The following GDA variants were observed in gnomAD, a reference collection of about 807,000 sequenced individuals.
The protein encoded by GDA is guanine deaminase.
In GDA, 18 loss-of-function variants were observed where a neutral mutation model predicts 59.6. The observed-to-expected ratio is 0.30, with a 90% CI of 0.21 to 0.45. GDA has a LOEUF of 0.45. Ranked by LOEUF, GDA falls within the 20% of genes least tolerant of loss-of-function variation. The probability of loss-of-function intolerance (pLI) is 1.00; values close to 1 mark genes in which losing one functional copy is unlikely to be tolerated. For missense variants in GDA, 427 were observed against 552.3 expected, an observed-to-expected ratio of 0.77 and a Z score of 2.27; for synonymous variants, 201 against 201.1, an observed-to-expected ratio of 1.00 and a Z score of 0.00.
intron 1 of GDA, among the ~76,000 whole-genome samples, chr9:72,178,618 A>T: frequency 6.6e-6 from 1 of 151,946 alleles, no homozygotes; most frequent in East Asian, 1.9e-4. Context: ...GGGTTTCACC[A>T]TGTTGGTCAG....
rs77866871 is a variant in GDA at position 72,125,897 on chromosome 9, G to A, written c.-100+11064G>A. ...TTTTCTATGATTTTGGAAGGTAAACGACAGGTTCAGGAAATTTGTTTGTTT... is the reference window on the plus strand; with the variant it reads ...TTTTCTATGATTTTGGAAGGTAAACAACAGGTTCAGGAAATTTGTTTGTTT... On this transcript the variant is annotated intron_variant, in intron 1 of 13. Transcript: ENST00000545168. 1.6e-3 allele frequency among the ~76,000 whole-genome samples: 244 copies of A among 152,096 alleles called. 2 individuals are homozygous for A. The highest frequency in any genetic ancestry group is 5.6e-3 in the African/African-American group (233 of 41,480).
chr9:72,128,457 A>G (rs1409763368), intron 1 of GDA, among the ~76,000 whole-genome samples: 2 of 152,202 alleles, frequency 1.3e-5, no homozygotes, highest in African/African-American at 2.4e-5. Flanking sequence ...TAAAATAACT[A>G]CTATCATTTT....
chr9:72,254,095 G>GTGTTT (rs1282917137), downstream of GDA, among the ~76,000 whole-genome samples: 1 of 152,162 alleles, frequency 6.6e-6, no homozygotes. Context: ...ATGGCAGCAG[G>GTGTTT]TGTTTTGTTT....
chr9:72,193,161 T>A (rs1246437952), intron 1 of GDA, among the ~76,000 whole-genome samples: 1 of 152,172 alleles, frequency 6.6e-6, no homozygotes, highest in Non-Finnish European at 1.5e-5. Context: ...TTAGGTCATT[T>A]TTTTTTTCCT....
chr9:72,177,241 G>C (rs1403133645), intron 1 of GDA, among the ~76,000 whole-genome samples: 1 of 151,724 alleles, frequency 6.6e-6, no homozygotes, highest in Non-Finnish European at 1.5e-5. Context: ...TGGGATTACA[G>C]GCACATACCA....
intron 1 of GDA, among the ~76,000 whole-genome samples, chr9:72,144,319 G>T (rs950760517): frequency 2.0e-5 from 3 of 152,122 alleles, no homozygotes; most frequent in Non-Finnish European, 2.9e-5. Flanking sequence ...AGCATCAATT[G>T]TTAAGTGCCT....
chr9:72,153,304 G>A (rs1371728188), intron 1 of GDA, among the ~76,000 whole-genome samples: 3 of 152,122 alleles, frequency 2.0e-5, no homozygotes, highest in African/African-American at 7.2e-5. Flanking sequence ...GAACTTTAAA[G>A]TAGTTTTTTC....
intron 9 of GDA, chr9:72,228,306 T>C (rs901728783): frequency 1.3e-5 from 5 of 376,882 alleles, no homozygotes; most frequent in Admixed American, 1.3e-4. Flanking sequence ...GAATACAACA[T>C]AAAAAATTTA....
At chr9:72,154,648 CTT>C (rs956779382) in intron 1 of GDA, among the ~76,000 whole-genome samples, 2 of 152,190 alleles carry the variant, frequency 1.3e-5, no homozygotes, top group Non-Finnish European at 2.9e-5. Flanking sequence ...TTTAGTATCT[CTT>C]TTAGACTTGA....
chr9:72,126,942 A>AG (rs1825869242), intron 1 of GDA, among the ~76,000 whole-genome samples: 1 of 152,058 alleles, frequency 6.6e-6, no homozygotes, highest in Non-Finnish European at 1.5e-5. Context: ...ATCTGGTGCC[A>AG]TCCTTGAGCA....
intron 10 of GDA, among the ~76,000 whole-genome samples, chr9:72,234,710 G>A (rs911491559): frequency 6.6e-6 from 1 of 152,090 alleles, no homozygotes; most frequent in Non-Finnish European, 1.5e-5. Flanking sequence ...CCTGTTTTAC[G>A]CTAAATCGTA....
In GDA at chr9:72,198,861, A is replaced by ATATAT. The variant is rs1491123372; in HGVS notation, c.212+3273_212+3274insTATAT. ...TATATAGGGGGATATATATATATATAAAATTTTTTTTGCTCAGGTTATGAT... is the reference window on the plus strand; with the variant it reads ...TATATAGGGGGATATATATATATATATATATAAATTTTTTTTGCTCAGGTTATGAT... On this transcript the variant is annotated intron_variant, in intron 2 of 13. Transcript: ENST00000358399. 2.5e-3 allele frequency among the ~76,000 whole-genome samples: 372 copies of ATATAT among 147,906 alleles called. 11 individuals carry two copies. Among genetic ancestry groups the ATATAT allele is most frequent in the African/African-American group, 9.2e-3 (351 of 38,298 alleles).
intron 3 of GDA, among the ~76,000 whole-genome samples, chr9:72,207,076 T>C (rs964696053): frequency 4.6e-5 from 7 of 152,158 alleles, no homozygotes; most frequent in African/African-American, 1.7e-4. Context: ...GCCTTTGAGA[T>C]TTTTTTCTTC....
At chr9:72,221,931 G>T (rs1587705756) in intron 6 of GDA, among the ~76,000 whole-genome samples, 1 of 152,160 alleles carries the variant, frequency 6.6e-6, no homozygotes, top group Non-Finnish European at 1.5e-5. Context: ...TGGTGTATAT[G>T]TACCACATTT....
intron 2 of GDA, among the ~76,000 whole-genome samples, chr9:72,201,073 T>C (rs751501299): frequency 6.6e-6 from 1 of 152,192 alleles, no homozygotes; most frequent in African/African-American, 2.4e-5. Context: ...ATCCATAACA[T>C]TTATTGATGC....
At chr9:72,176,182 C>T (rs1270304962) in intron 1 of GDA, among the ~76,000 whole-genome samples, 1 of 152,174 alleles carries the variant, frequency 6.6e-6, no homozygotes, top group African/African-American at 2.4e-5. Context: ...CACATGACTG[C>T]AAGCTAGTGT....
chr9:72,150,598 A>G (rs531214910), intron 1 of GDA, among the ~76,000 whole-genome samples: 7 of 152,326 alleles, frequency 4.6e-5, no homozygotes, highest in African/African-American at 1.7e-4. Flanking sequence ...ATAAATATGG[A>G]GATGGGATTT....
downstream of GDA, among the ~76,000 whole-genome samples, chr9:72,254,377 G>T (rs577906214): frequency 1.3e-5 from 2 of 152,020 alleles, no homozygotes; most frequent in East Asian, 3.9e-4. Flanking sequence ...CAAAAACTTT[G>T]TTGGGAAATT....
intron 1 of GDA, among the ~76,000 whole-genome samples, chr9:72,121,261 G>GTGT (rs1554721091): frequency 6.6e-6 from 1 of 152,136 alleles, no homozygotes; most frequent in Non-Finnish European, 1.5e-5. Flanking sequence ...TGCAACATGC[G>GTGT]TGTGGCAAAG....
Sources: allele counts gnomAD v4.1 joint callset (sites outside exome capture counted in the v4.1 genomes callset), GRCh38; gene constraint gnomAD v4.1.1; transcripts MANE v1.5; gene names NCBI Gene and HGNC (gene_info 2026-07-23, HGNC 2026-07-21).